NCAPH: variants seen among roughly 807,000 people sequenced by gnomAD.
The protein encoded by NCAPH is condensin complex subunit 2.
NCAPH carries 38 observed loss-of-function variants against 85.5 expected under a neutral mutation model. That is an observed-to-expected ratio of 0.44 (90% CI 0.34 to 0.58). NCAPH has a LOEUF of 0.58. NCAPH is among the 20% of genes least tolerant of loss of function. The probability of loss-of-function intolerance (pLI) is 0.01; values close to 1 mark genes in which losing one functional copy is unlikely to be tolerated. For synonymous variants in NCAPH, 301 were observed against 335.1 expected (o/e 0.90, Z 1.11); for missense variants, 789 against 916.6 (o/e 0.86, Z 1.80).
Position 96,341,686 on chromosome 2 carries a change from C to T in NCAPH, c.64C>T (p.His22Tyr). 1.2e-6 allele frequency: 2 copies of T among 1,614,176 alleles called. No homozygotes were observed. Among genetic ancestry groups the T allele is most frequent in the Non-Finnish European group, 1.7e-6 (2 of 1,180,006 alleles). The change falls in exon 2 of 18, where the codon CAC becomes TAC. Residue 22 changes from histidine to tyrosine, a missense_variant. His to Tyr is a moderately conservative substitution (Grantham distance 83). Coordinates refer to ENST00000240423, the MANE Select transcript of NCAPH (RefSeq NM_015341.5). Reference protein sequence around the residue: ...MNNSSSETRGHPHSASSPSER... With the variant: ...MNNSSSETRGYPHSASSPSER... ...TAACTCTTCTTCAGAGACGCGAGGA[C>T]ACCCCCACAGTGCCTCCTCTCCTTC...
chr2:96,342,196 C>T, intron 3 of NCAPH, 56 bp downstream of exon 3: 1 of 1,395,784 alleles, frequency 7.2e-7, no homozygotes, highest in Non-Finnish European at 1.0e-6. Flanking sequence ...CAGGGGAAAT[C>T]CAGCTATCTT....
chr2:96,343,142 G>A (rs1404080640), intron 4 of NCAPH, 24 bp from the exon 5 acceptor site: 2 of 1,613,052 alleles, frequency 1.2e-6, no homozygotes, highest in Non-Finnish European at 1.7e-6. Flanking sequence ...ATCTTTGTGA[G>A]TGCAGCTCTG....
At chr2:96,350,556 T>C (rs2064426385) in intron 6 of NCAPH, among the ~76,000 whole-genome samples, 2 of 152,142 alleles carry the variant, frequency 1.3e-5, no homozygotes, top group Non-Finnish European at 2.9e-5. Context: ...AGGGTCATAT[T>C]GCTGGCTCTG....
chr2:96,356,881 A>G (rs1040341001), intron 9 of NCAPH, among the ~76,000 whole-genome samples: 3 of 152,204 alleles, frequency 2.0e-5, no homozygotes, highest in Non-Finnish European at 2.9e-5. Context: ...TCTGCATGGC[A>G]GCACATTGAC....
chr2:96,341,029 T>C (rs948630961), intron 1 of NCAPH, among the ~76,000 whole-genome samples: 1 of 152,214 alleles, frequency 6.6e-6, no homozygotes, highest in African/African-American at 2.4e-5. Context: ...CATGAAGAGA[T>C]GAGTAACTTT....
At chr2:96,335,936 G>C in intron 1 of NCAPH, 88 bp downstream of exon 1, 2 of 1,341,256 alleles carry the variant, frequency 1.5e-6, no homozygotes, top group Non-Finnish European at 1.9e-6. Context: ...TGGCCTGGGC[G>C]GGGAGAGAGG....
At chr2:96,336,682 G>T (rs776059872) in intron 1 of NCAPH, among the ~76,000 whole-genome samples, 1 of 152,216 alleles carries the variant, frequency 6.6e-6, no homozygotes, top group South Asian at 2.1e-4. Flanking sequence ...AATCACTTAG[G>T]TGAGAATTTG....
At chr2:96,362,618 C>A (rs1051546377) in intron 12 of NCAPH, among the ~76,000 whole-genome samples, 3 of 151,994 alleles carry the variant, frequency 2.0e-5, no homozygotes, top group Non-Finnish European at 4.4e-5. Context: ...GGTGACAGAG[C>A]AAGACTCTGT....
rs536560583 is a variant in NCAPH at position 96,354,198 on chromosome 2, G to A, written c.1018G>A (p.Val340Ile). ...GTCCCTCCAGTCTGTGTCGGCCCTG[G>A]TAGACAAGTTTAAGAAGAATGACCA... ...ETHNESVSAL[V>I]DKFKKNDQVF... The change falls in exon 9 of 18, where the codon GTA (valine) becomes ATA (isoleucine). Residue 340 changes from valine to isoleucine, a missense_variant. Coordinates refer to ENST00000240423, the MANE Select transcript of NCAPH (RefSeq NM_015341.5). 4.0e-4 allele frequency: 650 copies of A among 1,614,034 alleles called. 5 individuals are homozygous for A. In the South Asian group the frequency reaches 5.8e-3, roughly 15 times the overall value.
intron 1 of NCAPH, among the ~76,000 whole-genome samples, chr2:96,337,931 C>CTT (rs376261513): frequency 1.4e-5 from 2 of 146,156 alleles, no homozygotes; most frequent in African/African-American, 5.0e-5. Context: ...TCCAACAACC[C>CTT]TTTTTTTTTT....
In NCAPH at chr2:96,341,885, C is replaced by A; in HGVS notation, c.263C>A (p.Pro88His). 1 of 1,609,218 alleles carries A rather than the reference C, an allele frequency of 6.2e-7. No homozygotes were observed. The highest frequency in any genetic ancestry group is 8.5e-7 in the Non-Finnish European group (1 of 1,178,384). ...GACTCACCTCGCTTATTGGCCTCCC[C>A]CTCCAGCAGGTGAGGTGCTCCTGGG... ...STDSPRLLAS[P>H]SSRSIDISAT... The change falls in exon 2 of 18, where the codon CCC (proline) becomes CAC (histidine). Residue 88 changes from proline (P) to histidine (H), a missense_variant. By Grantham distance (77) the Pro-to-His change is moderately conservative. Transcript: ENST00000240423.
intron 12 of NCAPH, among the ~76,000 whole-genome samples, chr2:96,361,040 CTTTTTTTTTTTTTTT>C (rs760283642): frequency 2.3e-5 from 2 of 86,750 alleles, no homozygotes; most frequent in South Asian, 6.6e-4. Context: ...TTGCTTTCTC[CTTTTTTTTTTTTTTT>C]TTTTTTTTTT....
intron 12 of NCAPH, among the ~76,000 whole-genome samples, chr2:96,362,368 G>A (rs760640676): frequency 2.0e-5 from 3 of 152,086 alleles, no homozygotes; most frequent in South Asian, 2.1e-4. Flanking sequence ...GATGGCTCAC[G>A]CCTGTAATCC....
intron 13 of NCAPH, among the ~76,000 whole-genome samples, chr2:96,365,147 T>C (rs1184010696): frequency 3.3e-5 from 5 of 152,168 alleles, no homozygotes; most frequent in African/African-American, 4.8e-5. Flanking sequence ...TCTCTGAGTC[T>C]ACTGATGAGA....
chr2:96,361,314 T>G (rs1236014273), intron 12 of NCAPH, among the ~76,000 whole-genome samples: 7 of 152,096 alleles, frequency 4.6e-5, no homozygotes, highest in Admixed American at 4.6e-4. Flanking sequence ...CCTCCCAAAG[T>G]GCCAGGATTA....
chr2:96,366,854 G>A (rs139535410), intron 14 of NCAPH, among the ~76,000 whole-genome samples: 20 of 141,086 alleles, frequency 1.4e-4, no homozygotes, highest in African/African-American at 5.1e-4. Context: ...TTCAGCCTGG[G>A]CAACAGGTCG....
rs530538752 is a variant in NCAPH, at chr2:96,346,280, G to A, written c.720+2051G>A. Among the ~76,000 whole-genome samples, 97 of 152,280 alleles carry A rather than the reference G, an allele frequency of 6.4e-4. No homozygotes were observed. The South Asian group carries it at 6.8e-3, about 11-fold the overall frequency. ...ACTGGGGGCGTGAGGAGGGGAAAGG[G>A]TAGGAAAGAGTCCTCTAGGAGGTGG... is the stretch of plus-strand genomic sequence containing the variant. On this transcript the variant is annotated intron_variant, in intron 6 of 17. Coordinates refer to ENST00000240423, the MANE Select transcript of NCAPH (RefSeq NM_015341.5).
At chr2:96,338,411 G>T (rs535931729) in intron 1 of NCAPH, among the ~76,000 whole-genome samples, 1 of 152,214 alleles carries the variant, frequency 6.6e-6, no homozygotes, top group East Asian at 1.9e-4. Flanking sequence ...TGAGTACATT[G>T]TTCAGCAAAT....
At position 96,375,224 on chromosome 2, in the gene NCAPH, A is replaced by C. The variant is rs2064819565; in HGVS notation, c.*1873A>C. On this transcript the variant is annotated 3_prime_UTR_variant, in exon 18 of 18. Coordinates refer to ENST00000240423, the MANE Select transcript of NCAPH (RefSeq NM_015341.5). ...TCCTATCTCTTAAACAAAAAAAAAA[A>C]CTGGCGAGTTCAATACCAACTTCTA... Among the ~76,000 whole-genome samples, 1 of 151,770 alleles carries C rather than the reference A, an allele frequency of 6.6e-6. No homozygotes were observed. Among genetic ancestry groups the C allele is most frequent in the African/African-American group, 2.4e-5 (1 of 41,246 alleles).
Sources: gnomAD v4.1 joint callset for allele counts (sites outside exome capture counted in the v4.1 genomes callset) on GRCh38, gnomAD v4.1.1 for gene constraint, MANE v1.5 for transcripts, NCBI Gene and HGNC (gene_info 2026-07-23, HGNC 2026-07-21) for gene names.